RBFOX1: variants seen among roughly 807,000 people sequenced by gnomAD.
RBFOX1 encodes RNA binding protein fox-1 homolog 1.
A neutral mutation model predicts 57.7 loss-of-function variants in RBFOX1; 8 were observed. That is an observed-to-expected ratio of 0.14 (90% CI 0.08 to 0.25). The LOEUF is 0.25. RBFOX1 is among the 10% of genes least tolerant of loss of function. The pLI is 1.00. For synonymous variants in RBFOX1, 326 were observed against 222.4 expected, an observed-to-expected ratio of 1.47 and a Z score of -4.15; for missense variants, 611 against 548.5, an observed-to-expected ratio of 1.11 and a Z score of -1.14.
intron 3 of RBFOX1, among the ~76,000 whole-genome samples, chr16:6,716,973 A>G (rs1426088158): frequency 6.6e-6 from 1 of 152,118 alleles, no homozygotes; most frequent in Non-Finnish European, 1.5e-5. Flanking sequence ...CACAAATGGG[A>G]TTAGTGCCCT....
chr16:7,302,753 TTTTC>T (rs946303133), intron 4 of RBFOX1, among the ~76,000 whole-genome samples: 10 of 76,858 alleles, frequency 1.3e-4, no homozygotes, highest in Admixed American at 1.2e-3. Context: ...TTTTTTTTTT[TTTTC>T]CTGTCAGGAC....
intron 4 of RBFOX1, among the ~76,000 whole-genome samples, chr16:7,324,316 A>G (rs1307600207): frequency 1.3e-5 from 2 of 152,194 alleles, no homozygotes; most frequent in Non-Finnish European, 2.9e-5. Context: ...ATCCTCATTT[A>G]CCAGTCCTGG....
chr16:6,933,429 C>A (rs2076879830), intron 3 of RBFOX1, among the ~76,000 whole-genome samples: 1 of 152,228 alleles, frequency 6.6e-6, no homozygotes, highest in African/African-American at 2.4e-5. Context: ...AATGGCCATC[C>A]TGGCCAGGTG....
intron 2 of RBFOX1, among the ~76,000 whole-genome samples, chr16:5,532,710 TGA>T: frequency 6.6e-6 from 1 of 152,334 alleles, no homozygotes; most frequent in African/African-American, 2.4e-5. Flanking sequence ...TACCCAGGCC[TGA>T]GATCAGTGCT....
intron 4 of RBFOX1, among the ~76,000 whole-genome samples, chr16:7,480,223 G>A (rs2063605643): frequency 6.6e-6 from 1 of 152,160 alleles, no homozygotes. Context: ...TTTTCTGCCT[G>A]CAGCACTGGG....
chr16:5,856,605 A>ATATATATATATATATATATATATAT (rs57978858), intron 3 of RBFOX1, among the ~76,000 whole-genome samples: 10 of 74,018 alleles, frequency 1.4e-4, no homozygotes, highest in South Asian at 5.0e-4. Flanking sequence ...ATATATATAT[A>ATATATATATATATATATATATATAT]ATCTTAGCCA....
intron 1 of RBFOX1, among the ~76,000 whole-genome samples, chr16:6,122,054 C>T (rs1251241448): frequency 1.3e-5 from 2 of 152,080 alleles, no homozygotes; most frequent in Non-Finnish European, 2.9e-5. Context: ...TACAGGCATG[C>T]ACCACCATGT....
chr16:6,973,198 TG>T (rs920228287), intron 3 of RBFOX1, among the ~76,000 whole-genome samples: 4 of 101,238 alleles, frequency 4.0e-5, no homozygotes, highest in African/African-American at 1.5e-4. Context: ...TGTGTGGTGG[TG>T]GGGGGCGGGG....
At chr16:5,836,766 T>C (rs1423427269) in intron 3 of RBFOX1, among the ~76,000 whole-genome samples, 1 of 152,182 alleles carries the variant, frequency 6.6e-6, no homozygotes, top group Non-Finnish European at 1.5e-5. Context: ...CACGCCCAGT[T>C]GTGACAACTA....
intron 4 of RBFOX1, among the ~76,000 whole-genome samples, chr16:7,292,341 T>C (rs1271974037): frequency 7.2e-6 from 1 of 138,198 alleles, no homozygotes; most frequent in Non-Finnish European, 1.5e-5. Flanking sequence ...ATACATGATA[T>C]ATATAATATA....
chr16:6,851,200 A>G (rs1433133172), intron 3 of RBFOX1, among the ~76,000 whole-genome samples: 2 of 152,202 alleles, frequency 1.3e-5, no homozygotes, highest in Non-Finnish European at 2.9e-5. Flanking sequence ...ATACAAAATG[A>G]TACCGTGTAT....
At chr16:7,096,242 G>A (rs1383134280) in intron 4 of RBFOX1, among the ~76,000 whole-genome samples, 1 of 152,166 alleles carries the variant, frequency 6.6e-6, no homozygotes, top group Non-Finnish European at 1.5e-5. Flanking sequence ...ACTCATGGTT[G>A]CAGAGCTAAG....
chr16:5,547,327 A>C (rs561909608), intron 2 of RBFOX1, among the ~76,000 whole-genome samples: 1 of 152,352 alleles, frequency 6.6e-6, no homozygotes, highest in African/African-American at 2.4e-5. Flanking sequence ...GATTTTATTT[A>C]TCAGAGCCAA....
At chr16:7,664,844 C>T in intron 12 of RBFOX1, 85 bp from the exon 13 acceptor site, 2 of 1,611,012 alleles carry the variant, frequency 1.2e-6, no homozygotes, top group South Asian at 1.1e-5. Flanking sequence ...TGTGACCAGA[C>T]TAACCTCGCC....
intron 3 of RBFOX1, among the ~76,000 whole-genome samples, chr16:6,786,443 A>G (rs2081975599): frequency 6.6e-6 from 1 of 152,128 alleles, no homozygotes; most frequent in Admixed American, 6.5e-5. Context: ...TGGAAGAAAC[A>G]TTTTTACAGG....
intron 2 of RBFOX1, among the ~76,000 whole-genome samples, chr16:6,647,053 T>G (rs1394994065): frequency 6.6e-6 from 1 of 152,122 alleles, no homozygotes; most frequent in Non-Finnish European, 1.5e-5. Context: ...ATAGTTCTTG[T>G]GTCTGGATAT....
chr16:5,923,306 G>C (rs1204197423), intron 4 of RBFOX1, among the ~76,000 whole-genome samples: 1 of 152,124 alleles, frequency 6.6e-6, no homozygotes, highest in Admixed American at 6.5e-5. Context: ...GATTGGGGAT[G>C]GGGATGGTGG....
intron 2 of RBFOX1, among the ~76,000 whole-genome samples, chr16:6,611,177 C>G (rs1192460846): frequency 1.3e-5 from 2 of 152,158 alleles, no homozygotes; most frequent in Non-Finnish European, 2.9e-5. Context: ...GGGACGAAGT[C>G]TCTCTGTCAC....
At chr16:5,483,106 T>C (rs1394459342) in intron 2 of RBFOX1, among the ~76,000 whole-genome samples, 1 of 152,130 alleles carries the variant, frequency 6.6e-6, no homozygotes, top group Non-Finnish European at 1.5e-5. Context: ...AGGGGAGTCC[T>C]AAAAACATTT....
Sources: allele counts gnomAD v4.1 joint callset (sites outside exome capture counted in the v4.1 genomes callset), GRCh38; gene constraint gnomAD v4.1.1; transcripts MANE v1.5; gene names NCBI Gene and HGNC (gene_info 2026-07-23, HGNC 2026-07-21).